Variants in PCBP3 observed in about 807,000 individuals in gnomAD.
The protein encoded by PCBP3 is poly(rC) binding protein 3.
PCBP3 carries 25 observed loss-of-function variants against 52.7 expected under a neutral mutation model. The ratio of observed to expected loss-of-function variants is 0.47; its 90% CI spans 0.35 to 0.66. The LOEUF is 0.66. PCBP3 is among the 30% of genes least tolerant of loss of function. PCBP3 has a pLI of 0.01. For missense variants in PCBP3, 391 were observed against 490.3 expected (o/e 0.80, Z 1.91); for synonymous variants, 162 against 183.0 (o/e 0.89, Z 0.93).
At chr21:45,646,339 C>T (rs889683235) in intron 1 of PCBP3, among the ~76,000 whole-genome samples, 1 of 152,038 alleles carries the variant, frequency 6.6e-6, no homozygotes, top group Non-Finnish European at 1.5e-5. Flanking sequence ...TTAGTCTTCA[C>T]TGTCTCTCTA....
rs1185424255 is a variant in PCBP3, at chr21:45,704,773, G to A, written c.-199-30619G>A. Among the ~76,000 whole-genome samples the A allele has an allele frequency of 6.6e-6, 1 of 152,152 alleles. No individual in the cohort carries two copies. Among genetic ancestry groups the A allele is most frequent in the African/African-American group, 2.4e-5 (1 of 41,434 alleles). On this transcript the variant is annotated intron_variant, in intron 2 of 17. Coordinates refer to ENST00000681687, the MANE Select transcript of PCBP3 (RefSeq NM_001384156.1). The surrounding 1 kb of genome is among the most constrained non-coding windows in gnomAD (Gnocchi z 4.1). Reference sequence around the variant, plus strand: ...GTTCCAAAACATGAAAATGTAAAATGGAATTGAATAATCTCTCCTAAATCA... The same window carrying A: ...GTTCCAAAACATGAAAATGTAAAATAGAATTGAATAATCTCTCCTAAATCA...
intron 4 of PCBP3, among the ~76,000 whole-genome samples, chr21:45,790,903 C>T (rs1211352731): frequency 6.6e-6 from 1 of 151,976 alleles, no homozygotes; most frequent in African/African-American, 2.4e-5. Flanking sequence ...AGTTTTACTA[C>T]AAAGGAAAAG....
chr21:45,916,805 A>G (rs1434082666), intron 12 of PCBP3: 1 of 151,690 alleles, frequency 6.6e-6, no homozygotes, highest in East Asian at 1.9e-4. Context: ...CTCTCCCTTG[A>G]CTCTGTGTGG....
chr21:45,917,912 G>A lies in PCBP3; in HGVS notation c.717+283G>A, dbSNP rs1433780096. 1.9e-5 allele frequency: 9 copies of A among 464,286 alleles called. No individual in the cohort carries two copies. Among genetic ancestry groups the A allele is most frequent in the African/African-American group, 9.9e-5 (5 of 50,422 alleles). 28.8% of individuals were successfully genotyped at this position (464,286 alleles called of 1,614,324 possible). A position where few individuals can be genotyped will look rare whatever the true frequency, so the allele number is the denominator to read the frequency against. Reference sequence around the variant, plus strand: ...ACGGGGCCTGGGAGGGAACTGAGACGGGCTCTGTCCCCGTGCAGGGCAGTG... The same window carrying A: ...ACGGGGCCTGGGAGGGAACTGAGACAGGCTCTGTCCCCGTGCAGGGCAGTG... On this transcript the variant is annotated intron_variant, in intron 13 of 17. Transcript: ENST00000681687. The surrounding 1 kb of genome is among the most constrained non-coding windows in gnomAD (Gnocchi z 5.3).
In PCBP3 at chr21:45,850,011, G is replaced by A. The variant is rs891798030; in HGVS notation, c.-75G>A. On this transcript the variant is annotated 5_prime_UTR_variant, in exon 5 of 18. Coordinates refer to ENST00000681687, the MANE Select transcript of PCBP3 (RefSeq NM_001384156.1). Reference sequence around the variant, plus strand: ...AACCCTTCTGTAAATCACCTGCTGTGGTTATGATGCTCTGAGTTCAATACG... The same window carrying A: ...AACCCTTCTGTAAATCACCTGCTGTAGTTATGATGCTCTGAGTTCAATACG... The A allele has an allele frequency of 3.0e-6, 4 of 1,345,472 alleles. No individual in the cohort carries two copies. Among genetic ancestry groups the A allele is most frequent in the Non-Finnish European group, 4.2e-6 (4 of 958,878 alleles). 83.3% of individuals were successfully genotyped at this position (1,345,472 alleles called of 1,614,324 possible).
chr21:45,924,876 C>T (rs866157217), intron 13 of PCBP3, among the ~76,000 whole-genome samples: 5 of 34,968 alleles, frequency 1.4e-4, no homozygotes, highest in East Asian at 4.8e-4. Flanking sequence ...CGGGTGTGCA[C>T]GAGGAGATGT....
At chr21:45,749,879 A>T (rs1340314005) in intron 3 of PCBP3, 1 of 152,156 alleles carries the variant, frequency 6.6e-6, no homozygotes, top group Non-Finnish European at 1.5e-5. Context: ...CCAGCACAGG[A>T]TGTGGTCTGG....
intron 1 of PCBP3, among the ~76,000 whole-genome samples, chr21:45,655,582 G>T (rs745491901): frequency 6.6e-6 from 1 of 151,986 alleles, no homozygotes; most frequent in Non-Finnish European, 1.5e-5. Context: ...TGGAGAAATG[G>T]CTATTTAAAT....
rs1773546910 is a variant in PCBP3 at position 45,735,842 on chromosome 21, C to A, written c.-162+413C>A. On this transcript the variant is annotated intron_variant, in intron 3 of 17. Coordinates refer to ENST00000681687, the MANE Select transcript of PCBP3 (RefSeq NM_001384156.1). The surrounding 1 kb of genome is among the most constrained non-coding windows in gnomAD (Gnocchi z 4.0). ...CAACAGTGCCCACTGCCCGGTAGTG[C>A]CTGTGTGTGCGGTGGCCATGATGGC... Among the ~76,000 whole-genome samples, 2 of 152,176 alleles carry A rather than the reference C, an allele frequency of 1.3e-5. No individual in the cohort carries two copies. The highest frequency in any genetic ancestry group is 3.9e-4 in the East Asian group (2 of 5,186).
At chr21:45,905,326 C>T (rs942701278) in intron 9 of PCBP3, among the ~76,000 whole-genome samples, 4 of 152,214 alleles carry the variant, frequency 2.6e-5, no homozygotes, top group African/African-American at 4.8e-5. Context: ...ACTCAGCACC[C>T]GGCCCACGTA....
At chr21:45,822,848 C>T (rs1196844272) in intron 4 of PCBP3, among the ~76,000 whole-genome samples, 1 of 152,186 alleles carries the variant, frequency 6.6e-6, no homozygotes, top group Non-Finnish European at 1.5e-5. Flanking sequence ...CTGCTGGGAT[C>T]TGTCTGATGC....
intron 4 of PCBP3, among the ~76,000 whole-genome samples, chr21:45,815,287 A>G (rs1313077818): frequency 1.1e-4 from 4 of 35,632 alleles, no homozygotes; most frequent in Non-Finnish European, 5.3e-5. Flanking sequence ...GTAGTGAGTG[A>G]TGAGTGGTGA....
chr21:45,684,573 A>C, intron 2 of PCBP3, among the ~76,000 whole-genome samples: 1 of 152,114 alleles, frequency 6.6e-6, no homozygotes, highest in Non-Finnish European at 1.5e-5. Context: ...TAACTGTTTA[A>C]AGAAGAGCAT....
chr21:45,751,065 C>T (rs1189294157), intron 3 of PCBP3: 10 of 152,186 alleles, frequency 6.6e-5, no homozygotes, highest in Non-Finnish European at 1.5e-4. Flanking sequence ...CTTCCCAGCT[C>T]TGTGTTTAGT....
In PCBP3 at chr21:45,697,673, C is replaced by T. The variant is rs572640736; in HGVS notation, c.-200+28721C>T. Among the ~76,000 whole-genome samples the T allele has an allele frequency of 5.3e-5, 8 of 151,418 alleles. No individual in the cohort carries two copies. The East Asian group carries it at 5.8e-4, about 11-fold the overall frequency. On this transcript the variant is annotated intron_variant, in intron 2 of 17. Transcript: ENST00000681687. The stretch of plus-strand genomic sequence containing the variant: ...GATGGGAGGATTGCTCGAGCCTGGC[C>T]GGTGAAGGCTGCAGTGAGCCATGAT...
chr21:45,684,796 C>T (rs549148002), intron 2 of PCBP3, among the ~76,000 whole-genome samples: 34 of 152,234 alleles, frequency 2.2e-4, no homozygotes, highest in Non-Finnish European at 3.4e-4. Flanking sequence ...TTTATAGCAA[C>T]GCAAAACAGA....
intron 4 of PCBP3, among the ~76,000 whole-genome samples, chr21:45,815,015 T>G (rs1240046358): frequency 9.9e-6 from 1 of 101,384 alleles, no homozygotes; most frequent in African/African-American, 4.2e-5. Context: ...TGGTGAGTGA[T>G]GAGTGAGTGG....
chr21:45,740,637 T>TGTGTGA (rs749130918), intron 3 of PCBP3, among the ~76,000 whole-genome samples: 4 of 149,848 alleles, frequency 2.7e-5, no homozygotes, highest in African/African-American at 9.9e-5. Context: ...TGTGTGTGTG[T>TGTGTGA]GAAGTGTGTG....
At chr21:45,780,316 G>C (rs530400997) in intron 4 of PCBP3, among the ~76,000 whole-genome samples, 1 of 152,182 alleles carries the variant, frequency 6.6e-6, no homozygotes, top group South Asian at 2.1e-4. Context: ...ACACTGTTGT[G>C]ATTTTTTCCT....
Sources: gnomAD v4.1 joint callset for allele counts (sites outside exome capture counted in the v4.1 genomes callset) on GRCh38, gnomAD v4.1.1 for gene constraint, Gnocchi (gnomAD v3.1) non-coding constraint, MANE v1.5 for transcripts, NCBI Gene and HGNC (gene_info 2026-07-23, HGNC 2026-07-21) for gene names.